The following SLC25A21 variants were observed in gnomAD, a reference collection of about 807,000 sequenced individuals.
SLC25A21 encodes the protein solute carrier family 25 member 21.
In SLC25A21, 47 loss-of-function variants were observed where a neutral mutation model predicts 43.8. The ratio of observed to expected loss-of-function variants is 1.07; its 90% CI spans 0.85 to 1.37. The LOEUF (loss-of-function observed/expected upper bound fraction) is 1.37, where lower values mean the gene tolerates loss of function less well. SLC25A21 is among the 40% of genes most tolerant of loss of function. The pLI, the probability that SLC25A21 is intolerant of heterozygous loss-of-function variation, is 0.00. For synonymous variants in SLC25A21, 131 were observed against 121.3 expected (o/e 1.08, Z -0.52); for missense variants, 352 against 350.2 (o/e 1.00, Z -0.04).
chr14:37,092,917 CCA>C (rs3061852), intron 1 of SLC25A21, among the ~76,000 whole-genome samples: 6 of 150,478 alleles, frequency 4.0e-5, no homozygotes, highest in East Asian at 1.9e-4. Context: ...CATTTACACA[CCA>C]CACACACACA....
At chr14:37,072,906 C>A (rs1341791258) in intron 1 of SLC25A21, among the ~76,000 whole-genome samples, 1 of 152,008 alleles carries the variant, frequency 6.6e-6, no homozygotes, top group African/African-American at 2.4e-5. Flanking sequence ...TCAGATATAT[C>A]ATCTTTAAAT....
chr14:36,951,494 C>T (rs947696707), intron 1 of SLC25A21, among the ~76,000 whole-genome samples: 1 of 152,160 alleles, frequency 6.6e-6, no homozygotes, highest in African/African-American at 2.4e-5. Context: ...ATTATTCTAG[C>T]CATGTTGCTG....
At chr14:36,680,942 T>C (rs1364257599) in intron 9 of SLC25A21, among the ~76,000 whole-genome samples, 3 of 152,182 alleles carry the variant, frequency 2.0e-5, no homozygotes, top group Non-Finnish European at 4.4e-5. Context: ...CCCCATGAGT[T>C]TTTGCAACTT....
intron 1 of SLC25A21, among the ~76,000 whole-genome samples, chr14:37,088,804 C>T (rs1223343768): frequency 6.6e-6 from 1 of 152,176 alleles, no homozygotes; most frequent in Admixed American, 6.5e-5. Context: ...GCAGTGCAAA[C>T]GACCGGCCCA....
intron 1 of SLC25A21, among the ~76,000 whole-genome samples, chr14:37,106,940 G>A (rs1166959142): frequency 1.3e-5 from 2 of 152,252 alleles, no homozygotes; most frequent in African/African-American, 4.8e-5. Context: ...GGGTTCCCCC[G>A]ATAGTTTACA....
intron 3 of SLC25A21, among the ~76,000 whole-genome samples, chr14:36,767,633 T>C (rs1445152345): frequency 6.6e-6 from 1 of 152,226 alleles, no homozygotes; most frequent in Admixed American, 6.5e-5. Context: ...AGATCAAATG[T>C]GTAAATCCCA....
At chr14:36,919,673 T>G (rs182734598) in intron 1 of SLC25A21, among the ~76,000 whole-genome samples, 2 of 149,682 alleles carry the variant, frequency 1.3e-5, no homozygotes, top group East Asian at 2.0e-4. Context: ...CTATCTCTAT[T>G]TATCTACCCA....
At chr14:36,805,826 T>A (rs1213793896) in intron 3 of SLC25A21, among the ~76,000 whole-genome samples, 1 of 152,124 alleles carries the variant, frequency 6.6e-6, no homozygotes, top group Admixed American at 6.6e-5. Flanking sequence ...AATATTCATA[T>A]GTGGAAGCTA....
chr14:36,695,905 C>G lies in SLC25A21; in HGVS notation c.604-10980G>C, dbSNP rs572547292. On this transcript the variant is annotated intron_variant, in intron 7 of 9. Coordinates refer to ENST00000331299, the MANE Select transcript of SLC25A21 (RefSeq NM_030631.4). ...CTAATTGAATACCCTTTATTTCTTT[C>G]TCTTGCCTGACTGCCCTGGTCAGAA... Among the ~76,000 whole-genome samples the G allele has an allele frequency of 2.4e-4, 36 of 152,288 alleles. No homozygotes were observed. The South Asian group carries it at 7.5e-3, about 32-fold the overall frequency.
intron 1 of SLC25A21, among the ~76,000 whole-genome samples, chr14:37,069,506 G>A (rs1470072363): frequency 6.6e-6 from 1 of 152,172 alleles, no homozygotes; most frequent in Non-Finnish European, 1.5e-5. Flanking sequence ...ATTATCATCA[G>A]AGAAGATAAA....
chr14:37,120,879 A>T (rs1963195419), intron 1 of SLC25A21, among the ~76,000 whole-genome samples: 1 of 152,118 alleles, frequency 6.6e-6, no homozygotes, highest in Non-Finnish European at 1.5e-5. Flanking sequence ...CCTAATTGGT[A>T]TAAGTACTGC....
rs544968121 is a variant in SLC25A21, at chr14:37,001,282, A to T, written c.71-126278T>A. Among the ~76,000 whole-genome samples, 215 of 152,316 alleles carry T rather than the reference A, an allele frequency of 1.4e-3. 1 individual carries two copies. The highest frequency in any genetic ancestry group is 4.9e-3 in the African/African-American group (205 of 41,580). On this transcript the variant is annotated intron_variant, in intron 1 of 9. Coordinates refer to ENST00000331299, the MANE Select transcript of SLC25A21 (RefSeq NM_030631.4). The stretch of plus-strand genomic sequence containing the variant: ...ATGAGTGAATTACTAGCACTTGTCA[A>T]GTGCTTATTAAATGCCAGGCCCTTT...
At chr14:37,072,260 T>G (rs776291834) in intron 1 of SLC25A21, among the ~76,000 whole-genome samples, 6 of 152,086 alleles carry the variant, frequency 3.9e-5, no homozygotes, top group Admixed American at 6.5e-5. Flanking sequence ...TGTATTGTTC[T>G]TGAATCAATC....
At chr14:36,861,098 G>GT (rs1277899484) in intron 2 of SLC25A21, among the ~76,000 whole-genome samples, 3 of 152,028 alleles carry the variant, frequency 2.0e-5, no homozygotes, top group Non-Finnish European at 4.4e-5. Flanking sequence ...AATCTCAGCT[G>GT]TGCCCTGACT....
At chr14:37,039,873 G>T (rs1359944517) in intron 1 of SLC25A21, among the ~76,000 whole-genome samples, 1 of 152,080 alleles carries the variant, frequency 6.6e-6, no homozygotes, top group Non-Finnish European at 1.5e-5. Context: ...GGCTAAGCTT[G>T]AGGCAGGTTT....
At chr14:37,003,390 AT>A (rs763708002) in intron 1 of SLC25A21, among the ~76,000 whole-genome samples, 1 of 152,176 alleles carries the variant, frequency 6.6e-6, no homozygotes, top group Non-Finnish European at 1.5e-5. Flanking sequence ...TATTTCTGGA[AT>A]TTTCCACTTA....
chr14:36,849,503 T>C (rs1889655016), intron 2 of SLC25A21, among the ~76,000 whole-genome samples: 1 of 152,196 alleles, frequency 6.6e-6, no homozygotes, highest in African/African-American at 2.4e-5. Flanking sequence ...TAACTCCAGT[T>C]GACATAAATT....
chr14:37,147,834 T>C (rs1431623486), intron 1 of SLC25A21, among the ~76,000 whole-genome samples: 1 of 76,482 alleles, frequency 1.3e-5, no homozygotes, highest in African/African-American at 3.7e-5. Context: ...CTTTTTCTTT[T>C]TTTTCTTTTC....
intron 1 of SLC25A21, among the ~76,000 whole-genome samples, chr14:37,062,570 G>A (rs926711008): frequency 3.9e-5 from 6 of 152,050 alleles, no homozygotes; most frequent in Admixed American, 1.3e-4. Flanking sequence ...TCAGATGCTC[G>A]CTGTTTGCAC....
Sources: allele counts gnomAD v4.1 joint callset (sites outside exome capture counted in the v4.1 genomes callset), GRCh38; gene constraint gnomAD v4.1.1; transcripts MANE v1.5; gene names NCBI Gene and HGNC (gene_info 2026-07-23, HGNC 2026-07-21).